The following MAPK10 variants were observed in gnomAD, a reference collection of about 807,000 sequenced individuals.
The protein encoded by MAPK10 is mitogen-activated protein kinase 10, also known as JNK3 alpha protein kinase.
Under a neutral mutation model 59.3 loss-of-function variants are expected in MAPK10, and 25 were observed. The ratio of observed to expected loss-of-function variants is 0.42; its 90% confidence interval spans 0.31 to 0.59. The LOEUF is 0.59. Among genes scored for constraint, MAPK10 ranks in the 20% least tolerant of loss-of-function variants. The pLI is 0.15. For synonymous variants in MAPK10, 190 were observed against 200.5 expected, an observed-to-expected ratio of 0.95 and a Z score of 0.44; for missense variants, 351 against 568.9, an observed-to-expected ratio of 0.62 and a Z score of 3.90.
At chr4:86,140,355 A>G (rs2149175601) in intron 4 of MAPK10, among the ~76,000 whole-genome samples, 1 of 144,220 alleles carries the variant, frequency 6.9e-6, no homozygotes, top group African/African-American at 2.8e-5. Flanking sequence ...ATGCAGCCAT[A>G]AAAAATGATG....
chr4:86,348,560 T>A (rs1004322967), intron 2 of MAPK10, among the ~76,000 whole-genome samples: 3 of 152,168 alleles, frequency 2.0e-5, no homozygotes, highest in Non-Finnish European at 4.4e-5. Context: ...CAAAGTAGTA[T>A]CATCTCTAAA....
chr4:86,290,215 AAGG>A (rs1322182896), intron 2 of MAPK10, among the ~76,000 whole-genome samples: 1 of 152,210 alleles, frequency 6.6e-6, no homozygotes, highest in African/African-American at 2.4e-5. Flanking sequence ...GAAACCAGTG[AAGG>A]AGCTATCAGC....
rs1438290062 is a variant in MAPK10 at position 86,359,811 on chromosome 4, C to T, written c.-275G>A. 2.0e-6 allele frequency: 2 copies of T among 985,510 alleles called. No homozygotes were observed. The highest frequency in any genetic ancestry group is 2.4e-6 in the Non-Finnish European group (2 of 829,914). The allele number at this position is 985,510 out of a possible 1,614,324, so 61.0% of individuals were successfully genotyped here. A position where few individuals can be genotyped will look rare whatever the true frequency, so the allele number is the denominator to read the frequency against. The stretch of plus-strand genomic sequence containing the variant: ...AAAATTAACGATGGACAGGTGATTT[C>T]CAAGAAAACCCAATCTTAAACTCAC... On this transcript the variant is annotated 5_prime_UTR_variant, in exon 1 of 14. An upstream open reading frame in the 5' UTR gains an earlier in-frame stop. Transcript: ENST00000641462.
At chr4:86,299,489 C>A (rs1268345525) in intron 2 of MAPK10, among the ~76,000 whole-genome samples, 1 of 152,074 alleles carries the variant, frequency 6.6e-6, no homozygotes, top group Non-Finnish European at 1.5e-5. Flanking sequence ...CAAAAAGATG[C>A]CTGTCTAGGA....
chr4:86,581,274 GA>G (rs200053221), intron 1 of MAPK10, among the ~76,000 whole-genome samples: 1 of 150,604 alleles, frequency 6.6e-6, no homozygotes, highest in African/African-American at 2.4e-5. Flanking sequence ...AAAAAATACA[GA>G]AAAAAATGGA....
chr4:86,575,309 A>G (rs1278365672), intron 1 of MAPK10, among the ~76,000 whole-genome samples: 1 of 152,178 alleles, frequency 6.6e-6, no homozygotes, highest in African/African-American at 2.4e-5. Flanking sequence ...ATGTCAGCCA[A>G]TTCCTCTAAT....
intron 4 of MAPK10, among the ~76,000 whole-genome samples, chr4:86,113,331 G>A (rs1490900428): frequency 2.0e-5 from 3 of 152,178 alleles, no homozygotes; most frequent in Non-Finnish European, 2.9e-5. Flanking sequence ...GTACTCCAGC[G>A]TGTTTTTGTA....
chr4:86,171,162 G>C lies in MAPK10; in HGVS notation c.67-11695C>G, dbSNP rs564205395. The C allele has an allele frequency of 4.9e-4, 74 of 151,540 alleles. 1 individual carries two copies. Among genetic ancestry groups the C allele is most frequent in the Middle Eastern group, 6.8e-3 (2 of 294 alleles). The allele number at this position is 151,540 out of a possible 1,614,324, so 9.4% of individuals were successfully genotyped here. ...TGACACCCTAACATCACAATTAAAA[G>C]AACTAGAAAAGCAAGAGCAAACACA... On this transcript the variant is annotated intron_variant, in intron 3 of 13. Coordinates refer to ENST00000641462, the MANE Select transcript of MAPK10 (RefSeq NM_138982.4).
At chr4:86,075,576 T>G (rs2049135082) in intron 9 of MAPK10, among the ~76,000 whole-genome samples, 1 of 152,234 alleles carries the variant, frequency 6.6e-6, no homozygotes, top group South Asian at 2.1e-4. Context: ...GTTTTCAGTG[T>G]GGATGTCCTT....
chr4:86,414,062 A>G (rs760853981), intron 1 of MAPK10, among the ~76,000 whole-genome samples: 1 of 148,336 alleles, frequency 6.7e-6, no homozygotes, highest in Non-Finnish European at 1.5e-5. Context: ...GCGACCCCGC[A>G]TAATTTATTT....
intron 4 of MAPK10, among the ~76,000 whole-genome samples, chr4:86,135,408 A>T (rs1317143462): frequency 6.6e-6 from 1 of 152,172 alleles, no homozygotes; most frequent in Admixed American, 6.5e-5. Context: ...ACTGGGAGGC[A>T]CCGCCCCAGC....
intron 1 of MAPK10, among the ~76,000 whole-genome samples, chr4:86,556,572 G>C (rs547240163): frequency 6.6e-6 from 1 of 152,046 alleles, no homozygotes; most frequent in East Asian, 1.9e-4. Flanking sequence ...TTCACTCACT[G>C]GGAAGAAAAC....
intron 9 of MAPK10, among the ~76,000 whole-genome samples, chr4:86,087,528 G>A (rs2052148315): frequency 6.6e-6 from 1 of 152,096 alleles, no homozygotes; most frequent in Non-Finnish European, 1.5e-5. Flanking sequence ...TAATGTTGAT[G>A]TGGTAAATTA....
intron 2 of MAPK10, among the ~76,000 whole-genome samples, chr4:86,329,728 C>T (rs956741305): frequency 6.6e-6 from 1 of 152,164 alleles, no homozygotes; most frequent in African/African-American, 2.4e-5. Flanking sequence ...TGCTGAATAA[C>T]CTTATCCTCT....
chr4:86,142,341 A>C (rs1275894655), intron 4 of MAPK10, among the ~76,000 whole-genome samples: 2 of 152,194 alleles, frequency 1.3e-5, no homozygotes, highest in African/African-American at 4.8e-5. Flanking sequence ...AGAATGAATA[A>C]AGAGAGACTG....
intron 1 of MAPK10, among the ~76,000 whole-genome samples, chr4:86,433,592 T>C (rs1041741305): frequency 2.1e-5 from 3 of 143,428 alleles, no homozygotes; most frequent in Non-Finnish European, 4.5e-5. Flanking sequence ...CTTATAGAGA[T>C]GGAGTCTCAC....
chr4:86,427,493 C>T (rs1449960528), intron 1 of MAPK10, among the ~76,000 whole-genome samples: 1 of 152,152 alleles, frequency 6.6e-6, no homozygotes, highest in Non-Finnish European at 1.5e-5. Flanking sequence ...CAGATTCTTC[C>T]TTCCTTCTTT....
rs112287084 is a variant in MAPK10, at chr4:86,017,143, TTGTGTG to T, written c.*79_*84del. On this transcript the variant is annotated 3_prime_UTR_variant, in exon 14 of 14. Transcript: ENST00000641462. The surrounding 1 kb of genome is among the most constrained non-coding windows in gnomAD (Gnocchi z 4.4). ...TTTTCTTGATGTTGTGTGTCTGCAT[TTGTGTG>T]TGTGTGTGTGTCTGCGTGTGTGTGT... 1.6e-6 allele frequency: 2 copies of T among 1,277,122 alleles called. No homozygotes were observed. Among genetic ancestry groups the T allele is most frequent in the African/African-American group, 1.5e-5 (1 of 67,148 alleles). The allele number at this position is 1,277,122 out of a possible 1,614,324, so 79.1% of individuals were successfully genotyped here. A position where few individuals can be genotyped will look rare whatever the true frequency, so the allele number is the denominator to read the frequency against.
chr4:86,374,880 A>G (rs1323946490), intron 1 of MAPK10, among the ~76,000 whole-genome samples: 1 of 152,236 alleles, frequency 6.6e-6, no homozygotes, highest in Non-Finnish European at 1.5e-5. Flanking sequence ...GACGTCATCT[A>G]TAGAAATGAA....
Sources: gnomAD v4.1 joint callset for allele counts (sites outside exome capture counted in the v4.1 genomes callset) on GRCh38, gnomAD v4.1.1 for gene constraint, Gnocchi (gnomAD v3.1) non-coding constraint, MANE v1.5 for transcripts, NCBI Gene and HGNC (gene_info 2026-07-23, HGNC 2026-07-21) for gene names.